The following MTSS1 variants were observed in gnomAD, a reference collection of about 807,000 sequenced individuals.
MTSS1 encodes the protein protein MTSS 1.
MTSS1 carries 18 observed loss-of-function variants against 79.0 expected under a neutral mutation model. The ratio of observed to expected loss-of-function variants is 0.23; its 90% confidence interval spans 0.16 to 0.34. The LOEUF (loss-of-function observed/expected upper bound fraction) is 0.34, where lower values mean the gene tolerates loss of function less well. MTSS1 is among the 10% of genes least tolerant of loss of function. The pLI is 1.00. For synonymous variants in MTSS1, 341 were observed against 368.6 expected, an observed-to-expected ratio of 0.93 and a Z score of 0.86; for missense variants, 815 against 986.2, an observed-to-expected ratio of 0.83 and a Z score of 2.33.
In MTSS1 at chr8:124,633,431, C is replaced by G. The variant is rs973613973; in HGVS notation, c.209-42196G>C. Among the ~76,000 whole-genome samples the G allele has an allele frequency of 2.0e-5, 3 of 152,184 alleles. No individual in the cohort carries two copies. The East Asian group carries it at 5.8e-4, about 29-fold the overall frequency. On this transcript the variant is annotated intron_variant, in intron 3 of 13. Transcript: ENST00000518547. ...CCTTAGTCTTGGGCCTTAGCTCTGA[C>G]TCTTATTCCTAAAAGGAAAAATTAA...
intron 3 of MTSS1, among the ~76,000 whole-genome samples, chr8:124,664,875 T>C (rs1822769468): frequency 6.6e-6 from 1 of 152,228 alleles, no homozygotes; most frequent in Admixed American, 6.5e-5. Context: ...TCTATTTCAT[T>C]GTTTCTAAGA....
chr8:124,586,284 C>T (rs114123508), intron 5 of MTSS1, among the ~76,000 whole-genome samples: 1 of 152,334 alleles, frequency 6.6e-6, no homozygotes, highest in African/African-American at 2.4e-5. Flanking sequence ...AATCACTGTG[C>T]AGCGTGGCAG....
intron 3 of MTSS1, among the ~76,000 whole-genome samples, chr8:124,617,794 G>A (rs1012774252): frequency 6.6e-6 from 1 of 152,182 alleles, no homozygotes; most frequent in Admixed American, 6.5e-5. Context: ...CTCGCTTGAA[G>A]TAGTAACCTG....
At chr8:124,631,740 G>A (rs1466589476) in intron 3 of MTSS1, among the ~76,000 whole-genome samples, 1 of 152,212 alleles carries the variant, frequency 6.6e-6, no homozygotes, top group Non-Finnish European at 1.5e-5. Context: ...CCACTGCTTA[G>A]CCAACCTCCT....
chr8:124,727,830 C>T lies in MTSS1; in HGVS notation c.72+54G>A. 1 of 1,453,150 alleles carries T rather than the reference C, an allele frequency of 6.9e-7. No homozygotes were observed. The highest frequency in any genetic ancestry group is 9.1e-7 in the Non-Finnish European group (1 of 1,094,552). 90.0% of individuals were successfully genotyped at this position (1,453,150 alleles called of 1,614,324 possible). A position where few individuals can be genotyped will look rare whatever the true frequency, so the allele number is the denominator to read the frequency against. On this transcript the variant is annotated intron_variant, in intron 1 of 13. Coordinates refer to ENST00000518547, the MANE Select transcript of MTSS1 (RefSeq NM_014751.6). The surrounding 1 kb of genome is among the most constrained non-coding windows in gnomAD (Gnocchi z 4.7). ...GGCCCGGGGTGGAGGCGAAGCGCGG[C>T]GGCGAGGTCAGAGCGCGGCGGCCGG...
At chr8:124,614,703 A>G (rs1434555761) in intron 3 of MTSS1, among the ~76,000 whole-genome samples, 1 of 152,248 alleles carries the variant, frequency 6.6e-6, no homozygotes, top group Non-Finnish European at 1.5e-5. Context: ...CATGTCCCAT[A>G]ACAATGTTTC....
chr8:124,664,022 C>T (rs1394049006), intron 3 of MTSS1, among the ~76,000 whole-genome samples: 1 of 152,178 alleles, frequency 6.6e-6, no homozygotes, highest in African/African-American at 2.4e-5. Context: ...AAGCACAGCA[C>T]AGAAGTAACC....
At chr8:124,684,544 A>G (rs1490943544) in intron 3 of MTSS1, among the ~76,000 whole-genome samples, 5 of 152,206 alleles carry the variant, frequency 3.3e-5, no homozygotes, top group Non-Finnish European at 4.4e-5. Context: ...TCCCTCATAA[A>G]AGCAGCAGTA....
Position 124,557,701 on chromosome 8 carries a change from A to T in MTSS1, c.1210T>A (p.Ser404Thr). ...YTIGPGMFPS[S>T]QIPSWKDWAK... is the part of the protein sequence containing the mutation. ...CAAACCTTCCAGCTAGGGATCTGAG[A>T]TGACGGGAACATGCCGGGCCCAATG... The change falls in exon 11 of 14, where the codon TCT becomes ACT. Residue 404 changes from serine (S) to threonine (T), a missense_variant. By Grantham distance (58) the Ser-to-Thr change is moderately conservative. Coordinates refer to ENST00000518547, the MANE Select transcript of MTSS1 (RefSeq NM_014751.6). 1 of 1,585,588 alleles carries T rather than the reference A, an allele frequency of 6.3e-7. No homozygotes were observed. The highest frequency in any genetic ancestry group is 1.3e-5 in the African/African-American group (1 of 74,256).
chr8:124,695,296 A>G (rs1306346844), intron 3 of MTSS1, among the ~76,000 whole-genome samples: 1 of 152,072 alleles, frequency 6.6e-6, no homozygotes, highest in East Asian at 1.9e-4. Flanking sequence ...GCACTTAATG[A>G]TAACTGCAAT....
rs1827124568 is a variant in MTSS1 at position 124,568,826 on chromosome 8, C to A, written c.461-290G>T. The A allele has an allele frequency of 2.1e-6, 3 of 1,438,798 alleles. No homozygotes were observed. The South Asian group carries it at 4.5e-5, about 22-fold the overall frequency. The allele number at this position is 1,438,798 out of a possible 1,614,324, so 89.1% of individuals were successfully genotyped here. A position where few individuals can be genotyped will look rare whatever the true frequency, so the allele number is the denominator to read the frequency against. Reference sequence around the variant, plus strand: ...TCACACTGCACAACCCCCACCAACTCTTCTGCCAACACAACCCTGGAACAC... The same window carrying A: ...TCACACTGCACAACCCCCACCAACTATTCTGCCAACACAACCCTGGAACAC... On this transcript the variant is annotated intron_variant, in intron 6 of 13. Transcript: ENST00000518547.
chr8:124,652,962 G>A (rs569219522), intron 3 of MTSS1, among the ~76,000 whole-genome samples: 7 of 152,280 alleles, frequency 4.6e-5, no homozygotes, highest in Non-Finnish European at 8.8e-5. Flanking sequence ...TTTACACTGC[G>A]ACTTGATGGC....
At chr8:124,615,049 T>G (rs4870911) in intron 3 of MTSS1, among the ~76,000 whole-genome samples, 39,582 of 152,024 alleles carry the variant, frequency 0.26, 7,020 homozygotes, top group African/African-American at 0.5. Context: ...AGATGCAGCG[T>G]TCCAGATGAA....
rs1832878544 is a variant in MTSS1 at position 124,597,009 on chromosome 8, G to A, written c.209-5774C>T. ...CTGTGTCCAAATGGTCACATTCCCG[G>A]GCGCCAGGGATTAGGACATCAACCT... On this transcript the variant is annotated intron_variant, in intron 3 of 13. Transcript: ENST00000518547. The surrounding 1 kb of genome is among the most constrained non-coding windows in gnomAD (Gnocchi z 4.6). Among the ~76,000 whole-genome samples the A allele has an allele frequency of 6.6e-6, 1 of 152,038 alleles. No individual in the cohort carries two copies. Among genetic ancestry groups the A allele is most frequent in the Non-Finnish European group, 1.5e-5 (1 of 68,020 alleles).
intron 3 of MTSS1, among the ~76,000 whole-genome samples, chr8:124,642,253 G>C (rs1397955707): frequency 6.6e-6 from 1 of 152,106 alleles, no homozygotes. Flanking sequence ...TTAATTTAAC[G>C]AATCAATCAG....
chr8:124,704,503 A>T (rs796530292), intron 1 of MTSS1, among the ~76,000 whole-genome samples: 5 of 152,238 alleles, frequency 3.3e-5, no homozygotes, highest in African/African-American at 1.2e-4. Flanking sequence ...TTAAAGCTCC[A>T]CCCTGAACCA....
intron 3 of MTSS1, among the ~76,000 whole-genome samples, chr8:124,657,014 T>C (rs1821081286): frequency 6.6e-6 from 1 of 151,966 alleles, no homozygotes; most frequent in Non-Finnish European, 1.5e-5. Context: ...TTAGACTAAA[T>C]TAAAGGAACA....
chr8:124,558,912 G>A, intron 10 of MTSS1: 1 of 1,456,340 alleles, frequency 6.9e-7, no homozygotes, highest in African/African-American at 1.4e-5. Flanking sequence ...ATAAAAAAAG[G>A]AATGGGGATG....
At chr8:124,576,791 G>C (rs999365189) in intron 6 of MTSS1, among the ~76,000 whole-genome samples, 9 of 152,180 alleles carry the variant, frequency 5.9e-5, no homozygotes, top group Admixed American at 5.9e-4. Context: ...TGCCCATCCC[G>C]TTAGTGTTCT....
Sources: gnomAD v4.1 joint callset for allele counts (sites outside exome capture counted in the v4.1 genomes callset) on GRCh38, gnomAD v4.1.1 for gene constraint, Gnocchi (gnomAD v3.1) non-coding constraint, MANE v1.5 for transcripts, NCBI Gene and HGNC (gene_info 2026-07-23, HGNC 2026-07-21) for gene names.